PCDHA2: variants seen among roughly 807,000 people sequenced by gnomAD.
The protein encoded by PCDHA2 is protocadherin alpha-2.
Under a neutral mutation model 66.0 loss-of-function variants are expected in PCDHA2, and 58 were observed. That is an observed-to-expected ratio of 0.88 (90% CI 0.71 to 1.09). The LOEUF is 1.09. PCDHA2 is among the 50% of genes least tolerant of loss of function. PCDHA2 has a pLI of 0.00. For missense variants in PCDHA2, 1,267 were observed against 1,242.3 expected, an observed-to-expected ratio of 1.02 and a Z score of -0.30; for synonymous variants, 634 against 554.0, an observed-to-expected ratio of 1.14 and a Z score of -2.03.
chr5:140,824,026 C>A (rs1387280043), intron 1 of PCDHA2: 19 of 1,614,028 alleles, frequency 1.2e-5, no homozygotes, highest in Non-Finnish European at 1.5e-5. Flanking sequence ...GTCGTACTCG[C>A]AGCAGAGGAG....
At chr5:140,836,998 G>A (rs2150272095) in intron 1 of PCDHA2, 32 of 336,008 alleles carry the variant, frequency 9.5e-5, no homozygotes, top group Non-Finnish European at 1.5e-4. Flanking sequence ...TTGCTAACTG[G>A]AGCAATGGAT....
chr5:140,893,210 G>C (rs2063874103), intron 1 of PCDHA2, among the ~76,000 whole-genome samples: 1 of 152,204 alleles, frequency 6.6e-6, no homozygotes, highest in Non-Finnish European at 1.5e-5. Flanking sequence ...GTAAGTATGG[G>C]AGGTGCAGGT....
At chr5:140,980,347 C>G (rs1329268780) in intron 2 of PCDHA2, among the ~76,000 whole-genome samples, 2 of 152,132 alleles carry the variant, frequency 1.3e-5, no homozygotes, top group African/African-American at 4.8e-5. Context: ...ACATAACTTC[C>G]TGGACTGGGC....
At chr5:140,807,455 A>C (rs1763937265) in intron 1 of PCDHA2, 1 of 1,607,604 alleles carries the variant, frequency 6.2e-7, no homozygotes. Context: ...GAATTCTCGG[A>C]TCGACCGGGA....
chr5:141,005,034 T>C (rs1435712039), intron 3 of PCDHA2, among the ~76,000 whole-genome samples: 1 of 152,222 alleles, frequency 6.6e-6, no homozygotes, highest in Non-Finnish European at 1.5e-5. Flanking sequence ...ATTGCCCATA[T>C]GTGATACCAT....
chr5:140,808,904 A>T (rs1764298132), intron 1 of PCDHA2: 1 of 1,613,488 alleles, frequency 6.2e-7, no homozygotes, highest in East Asian at 2.2e-5. Flanking sequence ...GGCGGGTGGC[A>T]CTGGTGGCGC....
chr5:140,883,747 G>A (rs781812387), intron 1 of PCDHA2: 5 of 1,613,274 alleles, frequency 3.1e-6, no homozygotes, highest in South Asian at 2.2e-5. Context: ...TCTCCTACTC[G>A]CTGGTGGAGC....
chr5:140,992,393 A>C (rs2097508684), intron 3 of PCDHA2, among the ~76,000 whole-genome samples: 1 of 152,180 alleles, frequency 6.6e-6, no homozygotes, highest in South Asian at 2.1e-4. Context: ...TTCTGGACTT[A>C]GAGATATTGT....
chr5:140,850,680 G>A lies in PCDHA2; in HGVS notation c.2388+53328G>A, dbSNP rs2150493615. 22 of 1,598,518 alleles carry A rather than the reference G, an allele frequency of 1.4e-5. 2 individuals carry two copies. In the East Asian group the frequency reaches 4.5e-4, roughly 32 times the overall value. ...GCTGCGGTGCTCGGCGATGCCCACC[G>A]AGGGCGAGTGCGCGCCTGGCAAGCC... On this transcript the variant is annotated intron_variant, in intron 1 of 3. Transcript: ENST00000526136.
chr5:140,923,033 A>T (rs6895136), intron 1 of PCDHA2, among the ~76,000 whole-genome samples: 8,640 of 152,308 alleles, frequency 0.057, 727 homozygotes, highest in African/African-American at 0.19. Flanking sequence ...CTCTATTACT[A>T]CATGTATAGT....
intron 1 of PCDHA2, among the ~76,000 whole-genome samples, chr5:140,937,158 C>T (rs969335051): frequency 2.6e-5 from 4 of 151,874 alleles, no homozygotes; most frequent in Non-Finnish European, 4.4e-5. Context: ...CTGCCTCAGC[C>T]TCCCGAGTAG....
Position 140,871,268 on chromosome 5 carries a change from G to T in PCDHA2, c.2388+73916G>T, listed in dbSNP as rs368729446. ...CTGCTGCTGTATACGGCGCTGTGGTGGTCGGCAACGCCCACTGAGGGCGCG... is the reference window on the plus strand; with the variant it reads ...CTGCTGCTGTATACGGCGCTGTGGTTGTCGGCAACGCCCACTGAGGGCGCG... On this transcript the variant is annotated intron_variant, in intron 1 of 3. Transcript: ENST00000526136. 53 of 1,613,850 alleles carry T rather than the reference G, an allele frequency of 3.3e-5. No homozygotes were observed. The African/African-American group carries it at 6.7e-4, about 20-fold the overall frequency.
intron 1 of PCDHA2, chr5:140,883,975 G>A (rs1167945773): frequency 1.2e-6 from 2 of 1,612,842 alleles, no homozygotes; most frequent in African/African-American, 2.7e-5. Flanking sequence ...TGACGCCCGG[G>A]GCTGGCAGCG....
At position 140,855,941 on chromosome 5, in the gene PCDHA2, C is replaced by G; in HGVS notation, c.2388+58589C>G. Reference sequence around the variant, plus strand: ...AGGAAGTAGCGTCATTCTGAGATCTCAGCCATTTCGATAAAAAATAGATAT... The same window carrying G: ...AGGAAGTAGCGTCATTCTGAGATCTGAGCCATTTCGATAAAAAATAGATAT... On this transcript the variant is annotated intron_variant, in intron 1 of 3. Transcript: ENST00000526136. The G allele has an allele frequency of 3.0e-6, 4 of 1,328,222 alleles. 1 individual carries two copies. The highest frequency in any genetic ancestry group is 4.1e-6 in the Non-Finnish European group (4 of 966,976). The allele number at this position is 1,328,222 out of a possible 1,614,324, so 82.3% of individuals were successfully genotyped here.
At chr5:140,823,637 T>A (rs17844297) in intron 1 of PCDHA2, 1 of 1,613,892 alleles carries the variant, frequency 6.2e-7, no homozygotes, top group East Asian at 2.2e-5. Flanking sequence ...CGCATCCCGT[T>A]CCGCGTGGGG....
intron 3 of PCDHA2, among the ~76,000 whole-genome samples, chr5:140,991,295 A>G (rs1215731555): frequency 6.6e-6 from 1 of 152,202 alleles, no homozygotes; most frequent in African/African-American, 2.4e-5. Context: ...TTAACACATT[A>G]CTATTATCTT....
chr5:140,877,792 CCAAGCCTTCAGCT>C, intron 1 of PCDHA2: 1 of 1,614,004 alleles, frequency 6.2e-7, no homozygotes, highest in East Asian at 2.2e-5. Context: ...GGCCTTCAGC[CCAAGCCTTCAGCT>C]GTCTCGAGAA....
chr5:140,934,262 TAATC>T (rs1554209807), intron 1 of PCDHA2, among the ~76,000 whole-genome samples: 1 of 152,136 alleles, frequency 6.6e-6, no homozygotes, highest in Non-Finnish European at 1.5e-5. Flanking sequence ...AAATTAATAA[TAATC>T]AGTGCTTCAT....
intron 3 of PCDHA2, among the ~76,000 whole-genome samples, chr5:141,000,180 T>G (rs2153962126): frequency 6.6e-6 from 1 of 151,688 alleles, no homozygotes; most frequent in South Asian, 2.1e-4. Flanking sequence ...AGCCAAGGAG[T>G]CAATGTGAGA....
Sources: allele counts gnomAD v4.1 joint callset (sites outside exome capture counted in the v4.1 genomes callset), GRCh38; gene constraint gnomAD v4.1.1; transcripts MANE v1.5; gene names NCBI Gene and HGNC (gene_info 2026-07-23, HGNC 2026-07-21).